Variants in RARB observed in about 807,000 individuals in gnomAD.
RARB encodes retinoic acid receptor beta.
In RARB, 17 loss-of-function variants were observed where a neutral mutation model predicts 51.9. The observed-to-expected ratio is 0.33, with a 90% CI of 0.22 to 0.49. RARB has a LOEUF of 0.49. Among genes scored for constraint, RARB ranks in the 20% least tolerant of loss-of-function variants. The pLI, the probability that RARB is intolerant of heterozygous loss-of-function variation, is 0.99. For synonymous variants in RARB, 215 were observed against 195.4 expected, an observed-to-expected ratio of 1.10 and a Z score of -0.84; for missense variants, 369 against 550.8, an observed-to-expected ratio of 0.67 and a Z score of 3.30.
intron 5 of RARB, among the ~76,000 whole-genome samples, chr3:25,329,117 A>G (rs1387740870): frequency 6.6e-6 from 1 of 152,224 alleles, no homozygotes; most frequent in Non-Finnish European, 1.5e-5. Context: ...GATGAACAAA[A>G]GGCAGCAGAA....
intron 5 of RARB, among the ~76,000 whole-genome samples, chr3:25,583,171 C>T (rs1701251397): frequency 6.6e-6 from 1 of 152,164 alleles, no homozygotes; most frequent in South Asian, 2.1e-4. Context: ...TGGCCCTAGG[C>T]AAGAGCTTGT....
At chr3:25,117,529 A>G (rs1249131969) in intron 3 of RARB, among the ~76,000 whole-genome samples, 1 of 152,190 alleles carries the variant, frequency 6.6e-6, no homozygotes, top group Non-Finnish European at 1.5e-5. Context: ...AAGGAAGCCA[A>G]TGTAGGATTT....
intron 2 of RARB, among the ~76,000 whole-genome samples, chr3:24,884,961 C>A (rs778377625): frequency 6.6e-6 from 1 of 152,170 alleles, no homozygotes; most frequent in African/African-American, 2.4e-5. Context: ...ATAACAACTG[C>A]GTATTCAAAA....
At chr3:25,471,409 A>G (rs1575435861) in intron 2 of RARB, among the ~76,000 whole-genome samples, 1 of 152,234 alleles carries the variant, frequency 6.6e-6, no homozygotes, top group East Asian at 1.9e-4. Context: ...TGAAATGACA[A>G]TCTACCTTTT....
chr3:25,295,961 C>T (rs928881081), intron 5 of RARB, among the ~76,000 whole-genome samples: 3 of 152,146 alleles, frequency 2.0e-5, no homozygotes, highest in Admixed American at 6.6e-5. Context: ...GGGAGCTTTG[C>T]CTCACACACC....
rs1707476161 is a variant in RARB at position 25,408,566 on chromosome 3, G to C, written c.179-52627G>C. On this transcript the variant is annotated intron_variant, in intron 5 of 11. Coordinates refer to the RARB transcript ENST00000383772. ...TCCAAACCATATCAGACTGCAAATA[G>C]CTGGCACCACTCCACACAGTGACCA... is the stretch of plus-strand genomic sequence containing the variant. Among the ~76,000 whole-genome samples the C allele has an allele frequency of 2.6e-5, 4 of 152,208 alleles. No individual in the cohort carries two copies. In the South Asian group the frequency reaches 8.3e-4, roughly 32 times the overall value.
At chr3:25,079,212 T>C (rs1225137958) in intron 3 of RARB, among the ~76,000 whole-genome samples, 1 of 152,200 alleles carries the variant, frequency 6.6e-6, no homozygotes, top group African/African-American at 2.4e-5. Flanking sequence ...TATAATTTAT[T>C]TTTGCATATT....
chr3:25,314,379 G>A (rs958308136), intron 5 of RARB, among the ~76,000 whole-genome samples: 4 of 152,032 alleles, frequency 2.6e-5, no homozygotes, highest in African/African-American at 9.7e-5. Context: ...CATTCATAAC[G>A]TTATTAATGT....
At position 25,596,729 on chromosome 3, in the gene RARB, C is replaced by T. The variant is rs1371601587; in HGVS notation, c.*113C>T. 1.0e-6 allele frequency: 1 copy of T among 976,668 alleles called. No individual in the cohort carries two copies. Among genetic ancestry groups the T allele is most frequent in the Non-Finnish European group, 1.5e-6 (1 of 677,586 alleles). The allele number at this position is 976,668 out of a possible 1,614,324, so 60.5% of individuals were successfully genotyped here. ...TTTTTGGACTGAAAAGATATTAAAACTCAAGAAGGACCAAGAAGTTTTCAT... is the reference window on the plus strand; with the variant it reads ...TTTTTGGACTGAAAAGATATTAAAATTCAAGAAGGACCAAGAAGTTTTCAT... On this transcript the variant is annotated 3_prime_UTR_variant, in exon 8 of 8. Coordinates refer to ENST00000330688, the MANE Select transcript of RARB (RefSeq NM_000965.5).
rs77796651 is a variant in RARB at position 25,068,217 on chromosome 3, C to T, written c.-328+8041C>T. Among the ~76,000 whole-genome samples the T allele has an allele frequency of 9.6e-3, 1,435 of 149,708 alleles. 10 individuals are homozygous for T. The highest frequency in any genetic ancestry group is 0.016 in the Non-Finnish European group (1,073 of 67,468). On this transcript the variant is annotated intron_variant, in intron 3 of 11. Coordinates refer to the RARB transcript ENST00000383772. ...TTCAACAGTCAAAAAATCTGTCCCC[C>T]TCTCCCACTCTGAGTGTACCTCCCC... is the stretch of plus-strand genomic sequence containing the variant.
intron 2 of RARB, among the ~76,000 whole-genome samples, chr3:24,958,131 G>A (rs1273955756): frequency 2.6e-5 from 4 of 152,002 alleles, no homozygotes; most frequent in Admixed American, 1.3e-4. Context: ...TGGAGCCCTA[G>A]ATCAGCAGCT....
chr3:25,189,775 C>T (rs1701054040), intron 5 of RARB, among the ~76,000 whole-genome samples: 1 of 152,094 alleles, frequency 6.6e-6, no homozygotes, highest in East Asian at 1.9e-4. Flanking sequence ...ATCGCAGATA[C>T]TCAGGAGGCT....
chr3:25,086,697 G>T (rs1015217533), intron 3 of RARB, among the ~76,000 whole-genome samples: 8 of 152,060 alleles, frequency 5.3e-5, no homozygotes, highest in Non-Finnish European at 1.2e-4. Context: ...CAGGGTTGGG[G>T]GTTGGGGAAG....
At chr3:25,017,218 C>T (rs926347409) in intron 2 of RARB, among the ~76,000 whole-genome samples, 1 of 148,292 alleles carries the variant, frequency 6.7e-6, no homozygotes, top group Non-Finnish European at 1.5e-5. Context: ...GCTTTCCCCC[C>T]CCCTTTCAGA....
chr3:24,966,244 G>A (rs1432565441), intron 2 of RARB, among the ~76,000 whole-genome samples: 1 of 152,078 alleles, frequency 6.6e-6, no homozygotes, highest in African/African-American at 2.4e-5. Flanking sequence ...TAGAAGGAGG[G>A]GGAGGTGAAA....
intron 2 of RARB, among the ~76,000 whole-genome samples, chr3:24,929,879 AG>A (rs1695403351): frequency 6.6e-6 from 1 of 152,132 alleles, no homozygotes; most frequent in African/African-American, 2.4e-5. Flanking sequence ...AATTATGAAA[AG>A]TAATTCTTAA....
intron 2 of RARB, among the ~76,000 whole-genome samples, chr3:24,996,968 G>A (rs1471121796): frequency 6.6e-6 from 1 of 152,060 alleles, no homozygotes; most frequent in African/African-American, 2.4e-5. Flanking sequence ...TGTCTTTTAG[G>A]TCCATTTGGT....
At chr3:25,488,218 C>T (rs1446748120) in intron 2 of RARB, among the ~76,000 whole-genome samples, 3 of 152,206 alleles carry the variant, frequency 2.0e-5, no homozygotes, top group Non-Finnish European at 2.9e-5. Flanking sequence ...CTACACCTGC[C>T]TGTGAACATC....
At position 25,428,789 on chromosome 3, in the gene RARB, A is replaced by G; in HGVS notation, c.58A>G (p.Thr20Ala). The change falls in exon 1 of 8, where the codon ACT (threonine) becomes GCT (alanine). Residue 20 changes from threonine (T) to alanine (A), a missense_variant. Physicochemically the swap from Thr to Ala is moderately conservative, Grantham distance 58 (BLOSUM62 0). Around this residue, in one of 9 missense-constraint regions of RARB, gnomAD observed 99 missense variants for 95.1 expected, o/e 1.04. Transcript: ENST00000330688. ...TCCTGGGCAAATCCTGGATTTCTAC[A>G]CTGCGAGTCCGTCTTCCTGCATGCT... The part of the protein sequence containing the change: ...VSPGQILDFY[T>A]ASPSSCMLQE... The G allele has an allele frequency of 6.2e-7, 1 of 1,614,204 alleles. No individual in the cohort carries two copies. Among genetic ancestry groups the G allele is most frequent in the African/African-American group, 1.3e-5 (1 of 75,058 alleles).
Sources: gnomAD v4.1 joint callset for allele counts (sites outside exome capture counted in the v4.1 genomes callset) on GRCh38, gnomAD v4.1.1 for gene constraint, gnomAD v4.1.1 regional missense constraint, MANE v1.5 for transcripts, NCBI Gene and HGNC (gene_info 2026-07-23, HGNC 2026-07-21) for gene names.